SDK2: variants seen among roughly 807,000 people sequenced by gnomAD.
SDK2 encodes the protein protein sidekick-2.
SDK2 carries 105 observed loss-of-function variants against 253.9 expected under a neutral mutation model. The observed-to-expected ratio is 0.41, with a 90% confidence interval of 0.35 to 0.49. The LOEUF (loss-of-function observed/expected upper bound fraction) is 0.49, where lower values mean the gene tolerates loss of function less well. Among genes scored for constraint, SDK2 ranks in the 20% least tolerant of loss-of-function variants. The probability of loss-of-function intolerance (pLI) is 0.06; values close to 1 mark genes in which losing one functional copy is unlikely to be tolerated. For missense variants in SDK2, 2,608 were observed against 3,003.0 expected, an observed-to-expected ratio of 0.87 and a Z score of 3.07; for synonymous variants, 1,249 against 1,234.9, an observed-to-expected ratio of 1.01 and a Z score of -0.24.
In SDK2 at chr17:73,455,391, C is replaced by T. The variant is rs2063518545; in HGVS notation, c.479+515G>A. ...GCACACAGAGACGGCCTTGTGAACA[C>T]TCAGAGGCCTGTGTGTTTCTCTGCC... On this transcript the variant is annotated intron_variant, in intron 4 of 44. Transcript: ENST00000392650. This position sits in a 1 kb window ranked among gnomAD's most constrained non-coding sequence, Gnocchi z 5.0. Among the ~76,000 whole-genome samples the T allele has an allele frequency of 6.6e-6, 1 of 152,196 alleles. No individual in the cohort carries two copies. Among genetic ancestry groups the T allele is most frequent in the Non-Finnish European group, 1.5e-5 (1 of 68,018 alleles).
rs12600396 is a variant in SDK2, at chr17:73,639,118, C to A, written c.64+4907G>T. ...AGCCACTGTGCCTGGCTGGTAGACA[C>A]AACTATTTTTAACTTTACTCATTTT... On this transcript the variant is annotated intron_variant, in intron 1 of 44. Coordinates refer to ENST00000392650, the MANE Select transcript of SDK2 (RefSeq NM_001144952.2). The surrounding 1 kb of genome is among the most constrained non-coding windows in gnomAD (Gnocchi z 4.3). Among the ~76,000 whole-genome samples, 50,648 of 152,022 alleles carry A rather than the reference C, an allele frequency of 0.33. 8,479 individuals are homozygous for A. Among genetic ancestry groups the A allele is most frequent in the South Asian group, 0.37 (1,804 of 4,816 alleles).
At chr17:73,493,105 A>G (rs1385433610) in intron 2 of SDK2, among the ~76,000 whole-genome samples, 1 of 152,144 alleles carries the variant, frequency 6.6e-6, no homozygotes, top group East Asian at 1.9e-4. Context: ...TAAAAAACAT[A>G]TGTGCCTCCG....
chr17:73,633,951 C>A (rs76316630), intron 1 of SDK2, among the ~76,000 whole-genome samples: 1 of 151,930 alleles, frequency 6.6e-6, no homozygotes, highest in East Asian at 1.9e-4. Flanking sequence ...GGAAGGCTGG[C>A]GTGGGGACAG....
At chr17:73,378,188 C>T (rs1343460397) in intron 36 of SDK2, among the ~76,000 whole-genome samples, 1 of 151,784 alleles carries the variant, frequency 6.6e-6, no homozygotes, top group Non-Finnish European at 1.5e-5. Flanking sequence ...AAACTCTGCC[C>T]CCCTGGCTCA....
At position 73,443,712 on chromosome 17, in the gene SDK2, CA is replaced by C. The variant is rs1320967575; in HGVS notation, c.614-2790del. Among the ~76,000 whole-genome samples the C allele has an allele frequency of 6.6e-6, 1 of 152,160 alleles. No homozygotes were observed. The highest frequency in any genetic ancestry group is 6.5e-5 in the Admixed American group (1 of 15,282). On this transcript the variant is annotated intron_variant, in intron 5 of 44. Transcript: ENST00000392650. This position sits in a 1 kb window ranked among gnomAD's most constrained non-coding sequence, Gnocchi z 4.6. ...ATGCTGGCACAGTGAGAAAGGGTCCCAGGGGTGAGGAAGACCTGGGCTCAAA... is the reference window on the plus strand; with the variant it reads ...ATGCTGGCACAGTGAGAAAGGGTCCCGGGGTGAGGAAGACCTGGGCTCAAA...
At chr17:73,408,294 G>A (rs887576857) in intron 18 of SDK2, among the ~76,000 whole-genome samples, 1 of 145,674 alleles carries the variant, frequency 6.9e-6, no homozygotes, top group Non-Finnish European at 1.5e-5. Context: ...CTCAGCTCAC[G>A]GCAACCTCTG....
intron 44 of SDK2, among the ~76,000 whole-genome samples, chr17:73,345,605 C>G (rs531047854): frequency 6.6e-6 from 1 of 152,208 alleles, no homozygotes; most frequent in South Asian, 2.1e-4. Flanking sequence ...TCATAGAGAG[C>G]AAACCCATCA....
At chr17:73,601,869 G>A (rs567021728) in intron 1 of SDK2, among the ~76,000 whole-genome samples, 9 of 151,956 alleles carry the variant, frequency 5.9e-5, no homozygotes, top group Non-Finnish European at 1.0e-4. Flanking sequence ...TCAGGCTCCC[G>A]AGTAGCTGGG....
chr17:73,446,574 T>C (rs35596313), intron 5 of SDK2, among the ~76,000 whole-genome samples: 39,412 of 152,078 alleles, frequency 0.26, 5,750 homozygotes, highest in Non-Finnish European at 0.32. Context: ...CCTCTGGACA[T>C]GGACAGCAGA....
chr17:73,343,140 C>T (rs1230063946), intron 44 of SDK2, among the ~76,000 whole-genome samples: 1 of 152,228 alleles, frequency 6.6e-6, no homozygotes, highest in Non-Finnish European at 1.5e-5. Context: ...ATCCCAAAGC[C>T]CACTCATCTA....
At chr17:73,469,026 T>C (rs939387416) in intron 3 of SDK2, among the ~76,000 whole-genome samples, 1 of 152,112 alleles carries the variant, frequency 6.6e-6, no homozygotes, top group Non-Finnish European at 1.5e-5. Context: ...GGTTTCACCA[T>C]GTTAGCCAGG....
intron 4 of SDK2, among the ~76,000 whole-genome samples, chr17:73,453,923 T>C (rs995990393): frequency 2.0e-5 from 3 of 152,234 alleles, no homozygotes; most frequent in Non-Finnish European, 4.4e-5. Context: ...GCTGGTTCTA[T>C]AAGATTATAA....
chr17:73,420,287 G>C (rs990262359), intron 15 of SDK2, among the ~76,000 whole-genome samples: 2 of 152,168 alleles, frequency 1.3e-5, no homozygotes, highest in Non-Finnish European at 2.9e-5. Context: ...TTCCCTTTTT[G>C]TTTATGTTTT....
chr17:73,450,120 T>C (rs2063481184), intron 4 of SDK2, among the ~76,000 whole-genome samples: 1 of 152,084 alleles, frequency 6.6e-6, no homozygotes, highest in African/African-American at 2.4e-5. Flanking sequence ...AGGTATAGCA[T>C]GTGAGGGTGG....
At position 73,435,285 on chromosome 17, in the gene SDK2, G is replaced by A. The variant is rs1357249912; in HGVS notation, c.1195+165C>T. On this transcript the variant is annotated intron_variant, in intron 9 of 44. Transcript: ENST00000392650. The surrounding 1 kb of genome is among the most constrained non-coding windows in gnomAD (Gnocchi z 5.7). ...GACTCAGGGCTGCAGAGGCAGCAGCGGTAACTGGCTGTGCCCCCAGGCTGC... is the reference window on the plus strand; with the variant it reads ...GACTCAGGGCTGCAGAGGCAGCAGCAGTAACTGGCTGTGCCCCCAGGCTGC... 3.3e-5 allele frequency among the ~76,000 whole-genome samples: 5 copies of A among 152,208 alleles called. No individual in the cohort carries two copies. The highest frequency in any genetic ancestry group is 4.1e-4 in the South Asian group (2 of 4,832).
chr17:73,532,833 G>T (rs1488124369), intron 1 of SDK2, among the ~76,000 whole-genome samples: 1 of 152,226 alleles, frequency 6.6e-6, no homozygotes, highest in African/African-American at 2.4e-5. Flanking sequence ...CGAGGCCTGG[G>T]CCTGAAAGGG....
rs527951377 is a variant in SDK2, at chr17:73,384,427, T to TG, written c.4570-417dup. ...GCCTGCTGGTCCCTGCCTTAGCATC[T>TG]GGATAACACTTCCTGGTGTTTCCTG... On this transcript the variant is annotated intron_variant, in intron 32 of 44. Transcript: ENST00000392650. 2.1e-3 allele frequency among the ~76,000 whole-genome samples: 320 copies of TG among 152,292 alleles called. 2 individuals are homozygous for TG. Among genetic ancestry groups the TG allele is most frequent in the African/African-American group, 7.0e-3 (291 of 41,576 alleles).
At chr17:73,408,395 T>A (rs1205791965) in intron 18 of SDK2, among the ~76,000 whole-genome samples, 3 of 148,448 alleles carry the variant, frequency 2.0e-5, no homozygotes, top group African/African-American at 7.4e-5. Context: ...TTTTTTTTTT[T>A]TAATATTTTT....
chr17:73,633,874 G>A (rs2046299053), intron 1 of SDK2, among the ~76,000 whole-genome samples: 1 of 152,146 alleles, frequency 6.6e-6, no homozygotes, highest in South Asian at 2.1e-4. Flanking sequence ...GGAGAACAGG[G>A]GTTCGAAAGG....
Sources: gnomAD v4.1 joint callset for allele counts (sites outside exome capture counted in the v4.1 genomes callset) on GRCh38, gnomAD v4.1.1 for gene constraint, Gnocchi (gnomAD v3.1) non-coding constraint, MANE v1.5 for transcripts, NCBI Gene and HGNC (gene_info 2026-07-23, HGNC 2026-07-21) for gene names.